SYNJ1: variants seen among roughly 807,000 people sequenced by gnomAD.
SYNJ1 encodes synaptojanin 1.
A neutral mutation model predicts 168.2 loss-of-function variants in SYNJ1; 78 were observed. The observed-to-expected ratio is 0.46, with a 90% CI of 0.39 to 0.56. The LOEUF (loss-of-function observed/expected upper bound fraction) is 0.56. SYNJ1 is among the 20% of genes least tolerant of loss of function. The probability of loss-of-function intolerance (pLI) is 0.00; values close to 1 mark genes in which losing one functional copy is unlikely to be tolerated. For synonymous variants in SYNJ1, 539 were observed against 548.6 expected (o/e 0.98, Z 0.24); for missense variants, 1,303 against 1,597.6 (o/e 0.82, Z 3.14).
At chr21:32,707,798 C>T (rs555392469) in intron 2 of SYNJ1, among the ~76,000 whole-genome samples, 2 of 152,290 alleles carry the variant, frequency 1.3e-5, no homozygotes, top group South Asian at 4.1e-4. Context: ...AAGTGGATCA[C>T]CTGAGGTTGG....
At position 32,726,819 on chromosome 21, in the gene SYNJ1, T is replaced by C; in HGVS notation, c.77A>G (p.His26Arg). 6.2e-7 allele frequency: 1 copy of C among 1,614,228 alleles called. No individual in the cohort carries two copies. The highest frequency in any genetic ancestry group is 8.5e-7 in the Non-Finnish European group (1 of 1,180,048). Residue 26 changes from histidine to arginine, a missense_variant, in exon 2 of 33, where the codon CAT becomes CGT. Coordinates refer to ENST00000674351, the MANE Select transcript of SYNJ1 (RefSeq NM_203446.3). Reference protein sequence around the residue: ...PPFSLIVETRHKEECLMFESG... With the variant: ...PPFSLIVETRRKEECLMFESG... ...CTCGAACATGAGACATTCTTCCTTA[T>C]GCCTAGTTTCCACTATGAGGCTGAA...
Position 32,659,388 on chromosome 21 carries a change from A to T in SYNJ1, c.2305-1516T>A, listed in dbSNP as rs113441686. 7.9e-4 allele frequency among the ~76,000 whole-genome samples: 121 copies of T among 152,272 alleles called. 1 individual carries two copies. Among genetic ancestry groups the T allele is most frequent in the African/African-American group, 2.8e-3 (116 of 41,544 alleles). On this transcript the variant is annotated intron_variant, in intron 18 of 32. Transcript: ENST00000674351. Reference sequence around the variant, plus strand: ...TACTTTTAAGGGAGGACACCACCCCACATATTGTCTTATGCCCAATTTCTG... The same window carrying T: ...TACTTTTAAGGGAGGACACCACCCCTCATATTGTCTTATGCCCAATTTCTG...
intron 2 of SYNJ1, among the ~76,000 whole-genome samples, chr21:32,722,825 A>G (rs899547488): frequency 6.6e-6 from 1 of 152,230 alleles, no homozygotes; most frequent in African/African-American, 2.4e-5. Context: ...AAGTGCTACA[A>G]GAGTATTAGC....
intron 2 of SYNJ1, among the ~76,000 whole-genome samples, chr21:32,725,750 T>A (rs889361612): frequency 1.3e-5 from 2 of 152,186 alleles, no homozygotes; most frequent in African/African-American, 4.8e-5. Context: ...CTATTTTTAA[T>A]TTATAAAGAT....
At chr21:32,726,247 C>T (rs983959526) in intron 2 of SYNJ1, among the ~76,000 whole-genome samples, 4 of 152,166 alleles carry the variant, frequency 2.6e-5, no homozygotes, top group East Asian at 1.9e-4. Flanking sequence ...GTACAATAGT[C>T]CTTTTCTTTA....
chr21:32,718,893 A>G (rs1354234018), intron 2 of SYNJ1, among the ~76,000 whole-genome samples: 1 of 152,178 alleles, frequency 6.6e-6, no homozygotes, highest in African/African-American at 2.4e-5. Context: ...TACACTCTTA[A>G]CCTTAACGCC....
intron 21 of SYNJ1, chr21:32,653,569 T>G: frequency 2.0e-6 from 1 of 506,608 alleles, no homozygotes; most frequent in Non-Finnish European, 3.6e-6. Flanking sequence ...TCAAATACTA[T>G]GTTAATGGAA....
chr21:32,697,119 T>C (rs550917685), intron 4 of SYNJ1, among the ~76,000 whole-genome samples: 35 of 152,342 alleles, frequency 2.3e-4, no homozygotes, highest in African/African-American at 8.2e-4. Flanking sequence ...GTTTTCATTT[T>C]TCTTTGCTGT....
intron 9 of SYNJ1, among the ~76,000 whole-genome samples, chr21:32,684,970 G>A (rs1004753255): frequency 2.0e-5 from 3 of 151,228 alleles, no homozygotes; most frequent in African/African-American, 4.9e-5. Flanking sequence ...ACGAGGTCAG[G>A]AGATCGAGAC....
intron 11 of SYNJ1, 33 bp downstream of exon 11, chr21:32,681,463 T>C (rs1383244481): frequency 6.4e-7 from 1 of 1,558,198 alleles, no homozygotes; most frequent in Admixed American, 1.9e-5. Context: ...AAAAAGAGGA[T>C]ATTCTGTAAT....
At chr21:32,704,791 T>C (rs1211749523) in intron 2 of SYNJ1, among the ~76,000 whole-genome samples, 1 of 152,162 alleles carries the variant, frequency 6.6e-6, no homozygotes, top group Non-Finnish European at 1.5e-5. Context: ...GCCAGGTTTC[T>C]CACTGTCAGA....
chr21:32,642,562 G>C (rs184072530), intron 27 of SYNJ1, among the ~76,000 whole-genome samples: 15 of 152,330 alleles, frequency 9.8e-5, no homozygotes, highest in Admixed American at 2.6e-4. Flanking sequence ...TACACAAGAG[G>C]CTCCTAGTAG....
chr21:32,639,772 G>A lies in SYNJ1; in HGVS notation c.3596C>T (p.Pro1199Leu), dbSNP rs1324807201. The part of the protein sequence containing the change: ...AGYSTARPTI[P>L]PRAGVISAPQ... ...GGCACTGATAACTCCAGCACGAGGA[G>A]GAATCGTCTACAGATAGGAAACATA... Residue 1199 changes from proline (P) to leucine (L), a missense_variant, in exon 30 of 33, where the codon CCT becomes CTT. Pro to Leu is a moderately conservative substitution (Grantham distance 98, BLOSUM62 -3). Transcript: ENST00000674351. 6.2e-7 allele frequency: 1 copy of A among 1,613,628 alleles called. No individual in the cohort carries two copies. The highest frequency in any genetic ancestry group is 8.5e-7 in the Non-Finnish European group (1 of 1,179,722).
chr21:32,693,591 C>T (rs764538037), intron 6 of SYNJ1, among the ~76,000 whole-genome samples: 3 of 152,170 alleles, frequency 2.0e-5, no homozygotes, highest in South Asian at 2.1e-4. Context: ...TACCCAGATC[C>T]TAAAGTAAAT....
At chr21:32,701,327 C>G (rs2042392206) in intron 3 of SYNJ1, among the ~76,000 whole-genome samples, 1 of 152,100 alleles carries the variant, frequency 6.6e-6, no homozygotes, top group Non-Finnish European at 1.5e-5. Context: ...TAAGTTCACC[C>G]TTTAGTTGAG....
At chr21:32,700,670 C>G (rs544770982) in intron 3 of SYNJ1, among the ~76,000 whole-genome samples, 1 of 151,936 alleles carries the variant, frequency 6.6e-6, no homozygotes, top group Non-Finnish European at 1.5e-5. Flanking sequence ...AAAAACCACA[C>G]GAACAAACAA....
intron 2 of SYNJ1, among the ~76,000 whole-genome samples, chr21:32,719,531 T>C (rs2043142546): frequency 6.6e-6 from 1 of 151,966 alleles, no homozygotes; most frequent in East Asian, 1.9e-4. Flanking sequence ...CTGGCCAACA[T>C]GGTGAAACCC....
At position 32,631,037 on chromosome 21, in the gene SYNJ1, C is replaced by G; in HGVS notation, c.*768G>C. ...CCAGTGTGGGTGAAGCCTTAGAGGC[C>G]AAGGTCGTGAAAGGATCTACTGGAG... On this transcript the variant is annotated 3_prime_UTR_variant, in exon 33 of 33. Transcript: ENST00000674351. 6.2e-7 allele frequency: 1 copy of G among 1,613,970 alleles called. No homozygotes were observed. The highest frequency in any genetic ancestry group is 1.1e-5 in the South Asian group (1 of 91,060).
chr21:32,671,421 T>G (rs1039615480), intron 14 of SYNJ1, among the ~76,000 whole-genome samples: 2 of 152,224 alleles, frequency 1.3e-5, no homozygotes. Flanking sequence ...TTATTTAAAC[T>G]GCCATAAAAA....
Sources: allele counts gnomAD v4.1 joint callset (sites outside exome capture counted in the v4.1 genomes callset), GRCh38; gene constraint gnomAD v4.1.1; transcripts MANE v1.5; gene names NCBI Gene and HGNC (gene_info 2026-07-23, HGNC 2026-07-21).